The following ESD variants were observed in gnomAD, a reference collection of about 807,000 sequenced individuals.
ESD encodes the protein esterase D, also known as S-formylglutathione hydrolase.
ESD carries 34 observed loss-of-function variants against 38.1 expected under a neutral mutation model. That is an observed-to-expected ratio of 0.89 (90% CI 0.68 to 1.19). The LOEUF (loss-of-function observed/expected upper bound fraction) is 1.19, where lower values mean the gene tolerates loss of function less well. ESD is among the 50% of genes most tolerant of loss of function. ESD has a pLI of 0.00. For synonymous variants in ESD, 97 were observed against 107.0 expected (o/e 0.91, Z 0.58); for missense variants, 334 against 327.2 (o/e 1.02, Z -0.16).
rs1047254603 is a variant in ESD at position 46,778,432 on chromosome 13, G to T, written c.601-809C>A. On this transcript the variant is annotated intron_variant, in intron 8 of 9. Coordinates refer to ENST00000378720, the MANE Select transcript of ESD (RefSeq NM_001984.2). Reference sequence around the variant, plus strand: ...CTGACTAGTTAGTTCTAAATTCTATGATTTCATAATTCTACATGGTTTCCT... The same window carrying T: ...CTGACTAGTTAGTTCTAAATTCTATTATTTCATAATTCTACATGGTTTCCT... 5.9e-5 allele frequency among the ~76,000 whole-genome samples: 9 copies of T among 151,846 alleles called. No individual in the cohort carries two copies. The East Asian group carries it at 1.7e-3, about 29-fold the overall frequency.
At chr13:46,788,497 A>G (rs1875274562) in intron 3 of ESD, among the ~76,000 whole-genome samples, 1 of 152,034 alleles carries the variant, frequency 6.6e-6, no homozygotes, top group Non-Finnish European at 1.5e-5. Context: ...CTTGTTACAG[A>G]ATGGTTGGTG....
At chr13:46,784,955 T>C (rs1875138515) in intron 4 of ESD, among the ~76,000 whole-genome samples, 1 of 152,006 alleles carries the variant, frequency 6.6e-6, no homozygotes, top group African/African-American at 2.4e-5. Context: ...TAATTAAACA[T>C]CGCACTATTT....
chr13:46,794,848 A>G (rs776348752), intron 1 of ESD, among the ~76,000 whole-genome samples: 66 of 149,890 alleles, frequency 4.4e-4, no homozygotes, highest in Admixed American at 9.5e-4. Flanking sequence ...GTCTCCTCCC[A>G]CCTCCCTTTT....
At chr13:46,776,584 G>T (rs1322379444) in intron 9 of ESD, 1 of 152,096 alleles carries the variant, frequency 6.6e-6, no homozygotes, top group Admixed American at 6.6e-5. Flanking sequence ...GGATAGGAAA[G>T]AAATGATATC....
chr13:46,781,281 A>G (rs532464193), intron 7 of ESD, among the ~76,000 whole-genome samples: 17 of 151,898 alleles, frequency 1.1e-4, no homozygotes, highest in Middle Eastern at 3.4e-3. Flanking sequence ...CAGTAGGCCA[A>G]TAAGAAAGCA....
intron 6 of ESD, 31 bp from the exon 7 acceptor site, chr13:46,781,646 T>C (rs1487300549): frequency 1.9e-6 from 3 of 1,582,438 alleles, no homozygotes; most frequent in East Asian, 4.5e-5. Flanking sequence ...TGACAAAAGA[T>C]ATCAAAGAAA....
At chr13:46,789,267 C>T (rs1387178617) in intron 3 of ESD, among the ~76,000 whole-genome samples, 8 of 152,108 alleles carry the variant, frequency 5.3e-5, no homozygotes, top group African/African-American at 1.9e-4. Context: ...TCCAAAAGTG[C>T]ATGGGAAATA....
chr13:46,784,328 AT>A lies in ESD; in HGVS notation c.179del (p.Asn60IlefsTer73). On this transcript the variant is annotated frameshift_variant, in exon 5 of 10. Coordinates refer to ENST00000378720, the MANE Select transcript of ESD (RefSeq NM_001984.2). LOFTEE classifies it high-confidence loss of function. Reference protein sequence around the residue: ...WLSGLTCTEQNFISKSGYHQS... With the variant: ...WLSGLTCTEQXFISKSGYHQS... ...GATGATAACCAGATTTTGATATAAA[AT>A]TTTGCTCTGTGCAAGTTAAACCTGA... is the stretch of plus-strand genomic sequence containing the variant. 6.2e-7 allele frequency: 1 copy of A among 1,610,918 alleles called. No homozygotes were observed. Among genetic ancestry groups the A allele is most frequent in the Non-Finnish European group, 8.5e-7 (1 of 1,178,588 alleles).
At chr13:46,784,469 T>C in intron 4 of ESD, 119 bp from the exon 5 acceptor site, 1 of 664,440 alleles carries the variant, frequency 1.5e-6, no homozygotes. Flanking sequence ...AACTACCAGT[T>C]AGGTACTATG....
chr13:46,784,061 C>A (rs1446262630), intron 5 of ESD, among the ~76,000 whole-genome samples, 191 bp downstream of exon 5: 1 of 151,860 alleles, frequency 6.6e-6, no homozygotes, highest in Non-Finnish European at 1.5e-5. Flanking sequence ...TTCATAAAGG[C>A]CATGTCATGA....
At chr13:46,785,488 G>A (rs946448657) in intron 4 of ESD, among the ~76,000 whole-genome samples, 9 of 151,976 alleles carry the variant, frequency 5.9e-5, no homozygotes, top group Admixed American at 5.9e-4. Context: ...TATCTTTTAA[G>A]ATTTCAGTTT....
intron 3 of ESD, among the ~76,000 whole-genome samples, chr13:46,787,692 T>C (rs1006270991): frequency 1.3e-5 from 2 of 151,972 alleles, no homozygotes; most frequent in Non-Finnish European, 2.9e-5. Context: ...CTCTTACTAC[T>C]TCAGAGTAAA....
chr13:46,796,390 A>G (rs1875577365), intron 1 of ESD, among the ~76,000 whole-genome samples: 1 of 152,198 alleles, frequency 6.6e-6, no homozygotes, highest in South Asian at 2.1e-4. Context: ...TAAATGAGTT[A>G]ATTCACGTAG....
chr13:46,777,723 A>T, intron 8 of ESD, 100 bp from the exon 9 acceptor site: 1 of 925,370 alleles, frequency 1.1e-6, no homozygotes, highest in Non-Finnish European at 1.5e-6. Context: ...TTAAGCTCTT[A>T]GGCTGATTAA....
chr13:46,782,981 G>T (rs1449916536), intron 5 of ESD, among the ~76,000 whole-genome samples, 190 bp from the exon 6 acceptor site: 1 of 151,906 alleles, frequency 6.6e-6, no homozygotes, highest in Non-Finnish European at 1.5e-5. Context: ...GGGGCCCTGC[G>T]ACTCGTTCTG....
At chr13:46,784,823 A>G (rs114596448) in intron 4 of ESD, among the ~76,000 whole-genome samples, 1,880 of 152,090 alleles carry the variant, frequency 0.012, 34 homozygotes, top group African/African-American at 0.041. Context: ...CTAAAGTTTC[A>G]ATTACTAAAA....
At chr13:46,791,756 T>A (rs903629870) in intron 2 of ESD, among the ~76,000 whole-genome samples, 3 of 152,068 alleles carry the variant, frequency 2.0e-5, no homozygotes, top group African/African-American at 7.2e-5. Flanking sequence ...TTTAGAAGAT[T>A]AAAAATTGTT....
chr13:46,778,082 T>C (rs567113516), intron 8 of ESD, among the ~76,000 whole-genome samples: 1 of 151,976 alleles, frequency 6.6e-6, no homozygotes, highest in South Asian at 2.1e-4. Flanking sequence ...ATGGCTGTAA[T>C]TCCAGACATA....
chr13:46,773,487 T>A (rs1286874072), intron 9 of ESD, among the ~76,000 whole-genome samples: 4 of 152,208 alleles, frequency 2.6e-5, no homozygotes, highest in African/African-American at 9.7e-5. Context: ...TTTGAACTAG[T>A]GAATGGTCAC....
Sources: allele counts gnomAD v4.1 joint callset (sites outside exome capture counted in the v4.1 genomes callset), GRCh38; gene constraint gnomAD v4.1.1; transcripts MANE v1.5; gene names NCBI Gene and HGNC (gene_info 2026-07-23, HGNC 2026-07-21).